Variants in PDE1C observed in about 807,000 individuals in gnomAD.
PDE1C encodes dual specificity calcium/calmodulin-dependent 3',5'-cyclic nucleotide phosphodiesterase 1C.
PDE1C carries 62 observed loss-of-function variants against 93.1 expected under a neutral mutation model. The observed-to-expected ratio is 0.67, with a 90% confidence interval of 0.54 to 0.82. The LOEUF (loss-of-function observed/expected upper bound fraction) is 0.82. PDE1C is among the 40% of genes least tolerant of loss of function. The probability of loss-of-function intolerance (pLI) is 0.00; values close to 1 mark genes in which losing one functional copy is unlikely to be tolerated. For missense variants in PDE1C, 742 were observed against 884.6 expected, an observed-to-expected ratio of 0.84 and a Z score of 2.04; for synonymous variants, 325 against 310.1, an observed-to-expected ratio of 1.05 and a Z score of -0.50.
At chr7:32,362,858 C>A (rs1166590191) in intron 1 of PDE1C, among the ~76,000 whole-genome samples, 2 of 152,240 alleles carry the variant, frequency 1.3e-5, no homozygotes, top group Non-Finnish European at 2.9e-5. Context: ...GCAAAAGCAA[C>A]TACAGTGTGG....
chr7:32,208,433 C>T (rs960617268), intron 2 of PDE1C, among the ~76,000 whole-genome samples: 5 of 151,474 alleles, frequency 3.3e-5, no homozygotes, highest in East Asian at 1.9e-4. Context: ...TCAGATGGCA[C>T]GTCAGCTACT....
intron 2 of PDE1C, among the ~76,000 whole-genome samples, chr7:32,042,671 A>G (rs1791984551): frequency 6.6e-6 from 1 of 152,168 alleles, no homozygotes; most frequent in African/African-American, 2.4e-5. Context: ...AGTATTGTAA[A>G]CCAAGGATAA....
In PDE1C at chr7:31,790,199, A is replaced by T. The variant is rs751342774; in HGVS notation, c.1892-14467T>A. ...AGGAGAATGAAGAAGCTCAGCTAGA[A>T]TGATGCAAGACACTGGCAGCCTCTT... On this transcript the variant is annotated intron_variant, in intron 16 of 17. Transcript: ENST00000396191. The T allele has an allele frequency of 7.4e-6, 12 of 1,611,364 alleles. No individual in the cohort carries two copies. The South Asian group carries it at 1.3e-4, about 18-fold the overall frequency.
At chr7:31,966,521 C>T (rs1249091904) in intron 2 of PDE1C, among the ~76,000 whole-genome samples, 2 of 152,064 alleles carry the variant, frequency 1.3e-5, no homozygotes, top group East Asian at 1.9e-4. Flanking sequence ...GAGACTTTAA[C>T]ACCCCACTGT....
chr7:31,933,292 A>G (rs1280177067), intron 2 of PDE1C, among the ~76,000 whole-genome samples: 1 of 152,190 alleles, frequency 6.6e-6, no homozygotes, highest in Non-Finnish European at 1.5e-5. Context: ...CAATAAATAT[A>G]TCAATATGTC....
At chr7:32,056,291 A>G (rs1794059789) in intron 1 of PDE1C, among the ~76,000 whole-genome samples, 1 of 146,158 alleles carries the variant, frequency 6.8e-6, no homozygotes, top group South Asian at 2.2e-4. Flanking sequence ...GGCACTTTGC[A>G]AAGTCTGTTC....
intron 1 of PDE1C, among the ~76,000 whole-genome samples, chr7:32,215,616 C>T (rs574200266): frequency 4.6e-5 from 7 of 152,302 alleles, no homozygotes; most frequent in African/African-American, 1.4e-4. Context: ...AACCCCAGAC[C>T]ACCCAGGGGG....
At chr7:31,942,103 T>G (rs1805933610) in intron 2 of PDE1C, among the ~76,000 whole-genome samples, 1 of 152,158 alleles carries the variant, frequency 6.6e-6, no homozygotes, top group Non-Finnish European at 1.5e-5. Context: ...TCTTTTTTCA[T>G]TCGCCTCTAA....
chr7:32,365,259 A>G (rs983162458), intron 1 of PDE1C, among the ~76,000 whole-genome samples: 3 of 152,058 alleles, frequency 2.0e-5, no homozygotes, highest in African/African-American at 7.2e-5. Context: ...TCGTGGGCAA[A>G]TCTCCAAGCT....
the PDE1C span, among the ~76,000 whole-genome samples, chr7:31,668,525 C>T: frequency 6.6e-6 from 1 of 151,972 alleles, no homozygotes; most frequent in Non-Finnish European, 1.5e-5. Flanking sequence ...ATATCTACTA[C>T]AACAATGTGG....
chr7:32,356,952 C>T (rs1784042303), intron 1 of PDE1C, among the ~76,000 whole-genome samples: 1 of 75,476 alleles, frequency 1.3e-5, no homozygotes, highest in Non-Finnish European at 2.8e-5. Flanking sequence ...TAGATGAATG[C>T]CACTTATTTT....
intron 1 of PDE1C, among the ~76,000 whole-genome samples, chr7:32,212,645 T>C (rs563707558): frequency 6.6e-6 from 1 of 152,304 alleles, no homozygotes; most frequent in South Asian, 2.1e-4. Flanking sequence ...TCTTCCTGCC[T>C]GGCTCTGGCT....
At chr7:32,170,105 G>C (rs770596234) in intron 2 of PDE1C, 15 of 692,286 alleles carry the variant, frequency 2.2e-5, no homozygotes, top group Non-Finnish European at 3.7e-5. Context: ...TTGTAACCAG[G>C]AATTTTTACA....
At chr7:32,405,278 T>C (rs962649542) in intron 1 of PDE1C, among the ~76,000 whole-genome samples, 3 of 150,340 alleles carry the variant, frequency 2.0e-5, no homozygotes, top group African/African-American at 7.4e-5. Flanking sequence ...TGAGATGGAA[T>C]TTCACTCTTG....
intron 1 of PDE1C, among the ~76,000 whole-genome samples, chr7:32,401,181 T>C (rs574776787): frequency 1.3e-5 from 2 of 152,330 alleles, no homozygotes; most frequent in East Asian, 3.9e-4. Flanking sequence ...TGTATGTGTG[T>C]ATTTATAAGT....
the PDE1C span, among the ~76,000 whole-genome samples, chr7:31,623,556 C>G: frequency 4.6e-5 from 7 of 151,418 alleles, no homozygotes; most frequent in East Asian, 3.9e-4. Flanking sequence ...ATTCAACAAC[C>G]CTTCATACTA....
At position 32,318,075 on chromosome 7, in the gene PDE1C, C is replaced by T. The variant is rs995156682; in HGVS notation, c.311-108536G>A. ...CAGACTGCCCACGTTATTTCCAATG[C>T]GTAACAACACTTCATAAAGTTGTTC... On this transcript the variant is annotated intron_variant, in intron 1 of 1. Transcript: ENST00000672256. Among the ~76,000 whole-genome samples the T allele has an allele frequency of 4.6e-5, 7 of 152,262 alleles. No individual in the cohort carries two copies. The South Asian group carries it at 6.2e-4, about 14-fold the overall frequency.
chr7:31,912,134 G>A lies in PDE1C; in HGVS notation c.129-31274C>T, dbSNP rs139516460. Among the ~76,000 whole-genome samples the A allele has an allele frequency of 2.1e-3, 320 of 152,208 alleles. 2 individuals carry two copies. Among genetic ancestry groups the A allele is most frequent in the African/African-American group, 7.2e-3 (297 of 41,534 alleles). On this transcript the variant is annotated intron_variant, in intron 2 of 17. Transcript: ENST00000396191. ...ACAGACCAAATTATATATATGTACA[G>A]GTCACCATGATCAGTAAGGAGGAGA...
intron 16 of PDE1C, among the ~76,000 whole-genome samples, chr7:31,797,414 G>A (rs918701431): frequency 1.3e-5 from 2 of 151,726 alleles, no homozygotes; most frequent in Non-Finnish European, 2.9e-5. Context: ...CTAAAGGATG[G>A]GATTAACTAT....
Sources: gnomAD v4.1 joint callset for allele counts (sites outside exome capture counted in the v4.1 genomes callset) on GRCh38, gnomAD v4.1.1 for gene constraint, MANE v1.5 for transcripts, NCBI Gene and HGNC (gene_info 2026-07-23, HGNC 2026-07-21) for gene names.